Variants in TMEM132D observed in about 807,000 individuals in gnomAD.
The protein encoded by TMEM132D is mature OL transmembrane protein.
In TMEM132D, 21 loss-of-function variants were observed where a neutral mutation model predicts 62.3. That is an observed-to-expected ratio of 0.34 (90% confidence interval 0.24 to 0.49). The LOEUF (loss-of-function observed/expected upper bound fraction) is 0.49. TMEM132D is among the 20% of genes least tolerant of loss of function. TMEM132D has a pLI of 0.99. For missense variants in TMEM132D, 1,346 were observed against 1,402.8 expected (o/e 0.96, Z 0.65); for synonymous variants, 621 against 575.6 (o/e 1.08, Z -1.13).
intron 1 of TMEM132D, among the ~76,000 whole-genome samples, chr12:129,753,809 C>A (rs1292711153): frequency 6.6e-6 from 1 of 152,212 alleles, no homozygotes; most frequent in Non-Finnish European, 1.5e-5. Flanking sequence ...ACCCTGCTAA[C>A]CGTGCTGGGA....
chr12:129,707,450 A>G (rs1881533626), intron 1 of TMEM132D, among the ~76,000 whole-genome samples: 1 of 152,076 alleles, frequency 6.6e-6, no homozygotes, highest in Non-Finnish European at 1.5e-5. Context: ...TAAAATCCAA[A>G]GATTGGTATG....
chr12:129,395,952 AATAATAT>A, intron 3 of TMEM132D, among the ~76,000 whole-genome samples: 1 of 143,054 alleles, frequency 7.0e-6, no homozygotes, highest in East Asian at 2.0e-4. Flanking sequence ...TGTATTATAA[AATAATAT>A]ATAATATATA....
chr12:129,511,381 T>C (rs2137074018), intron 3 of TMEM132D, among the ~76,000 whole-genome samples: 1 of 152,350 alleles, frequency 6.6e-6, no homozygotes, highest in African/African-American at 2.4e-5. Flanking sequence ...CTTTTTATCT[T>C]TGAATCTTAT....
chr12:129,125,016 G>T (rs1435303599), intron 5 of TMEM132D, among the ~76,000 whole-genome samples: 1 of 152,160 alleles, frequency 6.6e-6, no homozygotes, highest in Non-Finnish European at 1.5e-5. Flanking sequence ...CTGAAGAGAT[G>T]GCATATTTAC....
chr12:129,636,748 G>GAGAGAC (rs1273933800), intron 2 of TMEM132D, among the ~76,000 whole-genome samples: 1 of 150,892 alleles, frequency 6.6e-6, no homozygotes, highest in Non-Finnish European at 1.5e-5. Flanking sequence ...GAGAGAGAGA[G>GAGAGAC]AGAGAGAGAC....
chr12:129,420,133 GGT>G (rs1872257091), intron 3 of TMEM132D, among the ~76,000 whole-genome samples: 1 of 152,108 alleles, frequency 6.6e-6, no homozygotes, highest in East Asian at 1.9e-4. Flanking sequence ...TCAGAGGAAA[GGT>G]GTGCTGTGGG....
intron 2 of TMEM132D, among the ~76,000 whole-genome samples, chr12:129,687,758 G>A (rs147349032): frequency 2.0e-5 from 3 of 152,212 alleles, no homozygotes; most frequent in Non-Finnish European, 4.4e-5. Context: ...TTTGGGTCCT[G>A]CTTGGCTCTG....
chr12:129,685,252 C>T (rs1880879345), intron 2 of TMEM132D, among the ~76,000 whole-genome samples: 1 of 152,162 alleles, frequency 6.6e-6, no homozygotes, highest in African/African-American at 2.4e-5. Flanking sequence ...TGATCACATA[C>T]ATGGAGGCCT....
At chr12:129,361,886 C>G (rs2135674747) in intron 3 of TMEM132D, among the ~76,000 whole-genome samples, 1 of 152,290 alleles carries the variant, frequency 6.6e-6, no homozygotes, top group East Asian at 1.9e-4. Context: ...CACTTCAAAA[C>G]ACGCGATGTG....
intron 4 of TMEM132D, among the ~76,000 whole-genome samples, chr12:129,302,490 C>A (rs909502885): frequency 6.6e-6 from 1 of 152,264 alleles, no homozygotes; most frequent in Non-Finnish European, 1.5e-5. Context: ...GCACACAACA[C>A]GAAGCTCACC....
intron 1 of TMEM132D, among the ~76,000 whole-genome samples, chr12:129,767,021 C>T (rs1162214908): frequency 6.6e-6 from 1 of 152,186 alleles, no homozygotes. Context: ...GGCTGTTGCT[C>T]TCTGTACACT....
At chr12:129,583,060 A>T (rs1225566334) in intron 2 of TMEM132D, among the ~76,000 whole-genome samples, 1 of 152,026 alleles carries the variant, frequency 6.6e-6, no homozygotes, top group East Asian at 1.9e-4. Flanking sequence ...TGCCCACCTC[A>T]GCCTCCCAAA....
intron 4 of TMEM132D, among the ~76,000 whole-genome samples, chr12:129,260,151 T>C (rs1441740160): frequency 1.3e-5 from 2 of 151,348 alleles, no homozygotes; most frequent in Non-Finnish European, 2.9e-5. Context: ...ATTTGGGGGG[T>C]TGAGAAGAGA....
chr12:129,466,952 A>T (rs1472392499), intron 3 of TMEM132D, among the ~76,000 whole-genome samples: 1 of 152,166 alleles, frequency 6.6e-6, no homozygotes, highest in Non-Finnish European at 1.5e-5. Context: ...GCACTGCTGT[A>T]ATTATTTACA....
At chr12:129,102,842 G>C (rs1875358590) in intron 5 of TMEM132D, among the ~76,000 whole-genome samples, 1 of 152,170 alleles carries the variant, frequency 6.6e-6, no homozygotes, top group African/African-American at 2.4e-5. Context: ...CCACTTTCCT[G>C]TTTACAGCCC....
At chr12:129,338,417 T>C (rs1285703919) in intron 3 of TMEM132D, among the ~76,000 whole-genome samples, 1 of 152,178 alleles carries the variant, frequency 6.6e-6, no homozygotes, top group African/African-American at 2.4e-5. Flanking sequence ...AAAGACTGGT[T>C]TCTAGACCCT....
intron 3 of TMEM132D, among the ~76,000 whole-genome samples, chr12:129,449,498 T>G (rs902966014): frequency 1.3e-5 from 2 of 152,192 alleles, no homozygotes; most frequent in African/African-American, 4.8e-5. Flanking sequence ...GCAACACATA[T>G]TGACAGCTTC....
intron 1 of TMEM132D, among the ~76,000 whole-genome samples, chr12:129,895,206 C>A (rs1338253497): frequency 6.6e-6 from 1 of 152,200 alleles, no homozygotes; most frequent in Non-Finnish European, 1.5e-5. Flanking sequence ...GTTGTGTGGA[C>A]AACAGTGCTG....
chr12:129,469,360 C>T (rs1474143411), intron 3 of TMEM132D, among the ~76,000 whole-genome samples: 1 of 151,950 alleles, frequency 6.6e-6, no homozygotes, highest in Non-Finnish European at 1.5e-5. Flanking sequence ...CAAGATGTGC[C>T]CCCCGTGTCA....
Sources: allele counts gnomAD v4.1 joint callset (sites outside exome capture counted in the v4.1 genomes callset), GRCh38; gene constraint gnomAD v4.1.1; transcripts MANE v1.5; gene names NCBI Gene and HGNC (gene_info 2026-07-23, HGNC 2026-07-21).